Variants in CALN1 observed in about 807,000 individuals in gnomAD.
CALN1 encodes the protein calcium-binding protein 8.
In CALN1, 17 loss-of-function variants were observed where a neutral mutation model predicts 30.6. The ratio of observed to expected loss-of-function variants is 0.56; its 90% CI spans 0.38 to 0.83. CALN1 has a LOEUF of 0.83. Ranked by LOEUF, CALN1 falls within the 40% of genes least tolerant of loss-of-function variation. The probability of loss-of-function intolerance (pLI) is 0.00; values close to 1 mark genes in which losing one functional copy is unlikely to be tolerated. For synonymous variants in CALN1, 156 were observed against 131.4 expected, an observed-to-expected ratio of 1.19 and a Z score of -1.28; for missense variants, 291 against 354.9, an observed-to-expected ratio of 0.82 and a Z score of 1.45.
intron 5 of CALN1, among the ~76,000 whole-genome samples, chr7:71,937,048 G>A (rs1016769518): frequency 2.0e-5 from 3 of 152,160 alleles, no homozygotes; most frequent in East Asian, 1.9e-4. Context: ...AGGTATGTCT[G>A]TATCCACAGC....
At chr7:71,906,996 CA>C (rs1794172621) in intron 5 of CALN1, among the ~76,000 whole-genome samples, 1 of 152,130 alleles carries the variant, frequency 6.6e-6, no homozygotes, top group South Asian at 2.1e-4. Flanking sequence ...GTGACAGAGG[CA>C]GGGGGCAGGG....
chr7:72,015,806 G>C lies in CALN1; in HGVS notation c.501+7851C>G, dbSNP rs1456648947. Among the ~76,000 whole-genome samples, 4 of 152,162 alleles carry C rather than the reference G, an allele frequency of 2.6e-5. 1 individual carries two copies. Among genetic ancestry groups the C allele is most frequent in the Admixed American group, 2.6e-4 (4 of 15,260 alleles). ...GCTGCTGGTCCAGGAACCACACTTT[G>C]AGAACCACTGTTAACATGAATGCTT... On this transcript the variant is annotated intron_variant, in intron 5 of 6. Transcript: ENST00000395275.
At chr7:72,368,839 GA>G (rs1258242138) in intron 2 of CALN1, among the ~76,000 whole-genome samples, 4 of 112,254 alleles carry the variant, frequency 3.6e-5, no homozygotes, top group Non-Finnish European at 6.8e-5. Flanking sequence ...TTTTGAGACA[GA>G]ATCTCACACT....
At chr7:71,931,558 C>T (rs752604567) in intron 5 of CALN1, among the ~76,000 whole-genome samples, 3 of 152,206 alleles carry the variant, frequency 2.0e-5, no homozygotes, top group Non-Finnish European at 4.4e-5. Flanking sequence ...TGCGCCACCG[C>T]GCCCAGCTGA....
chr7:71,850,872 T>C lies in CALN1; in HGVS notation c.502-40380A>G, dbSNP rs1416814359. Among the ~76,000 whole-genome samples the C allele has an allele frequency of 4.1e-5, 4 of 98,356 alleles. No individual in the cohort carries two copies. The East Asian group carries it at 3.0e-3, about 74-fold the overall frequency. 64.5% of individuals were successfully genotyped at this position (98,356 alleles called of 152,430 possible). On this transcript the variant is annotated intron_variant, in intron 5 of 6. Coordinates refer to ENST00000395275, the MANE Select transcript of CALN1 (RefSeq NM_031468.4). ...ACACATAGTGAGTACTCAATACATA[T>C]TTGAAATGAATGAAAAAACAGAATA...
chr7:71,800,934 T>A (rs914340431), intron 6 of CALN1, among the ~76,000 whole-genome samples: 1 of 152,188 alleles, frequency 6.6e-6, no homozygotes, highest in East Asian at 1.9e-4. Context: ...CAGCCCCGCA[T>A]GCATTAGCTA....
chr7:72,490,078 G>A, the CALN1 span, among the ~76,000 whole-genome samples: 1 of 152,180 alleles, frequency 6.6e-6, no homozygotes, highest in African/African-American at 2.4e-5. Context: ...TAAGGCTAAA[G>A]AAATAAGTGG....
intron 5 of CALN1, among the ~76,000 whole-genome samples, chr7:71,865,536 C>G (rs967833631): frequency 6.6e-6 from 1 of 152,220 alleles, no homozygotes; most frequent in African/African-American, 2.4e-5. Flanking sequence ...CAGACTAATA[C>G]AGTTCTCAAA....
At chr7:71,791,736 A>G (rs943809834) in intron 6 of CALN1, among the ~76,000 whole-genome samples, 1 of 152,190 alleles carries the variant, frequency 6.6e-6, no homozygotes, top group African/African-American at 2.4e-5. Flanking sequence ...GAGGCCGGGC[A>G]CGGTGGCTCA....
At chr7:72,274,180 C>G (rs940660175) in intron 3 of CALN1, among the ~76,000 whole-genome samples, 1 of 151,974 alleles carries the variant, frequency 6.6e-6, no homozygotes, top group Non-Finnish European at 1.5e-5. Flanking sequence ...AAGAGGTAAA[C>G]TTCAGATGGA....
intron 1 of CALN1, among the ~76,000 whole-genome samples, chr7:72,435,089 G>C (rs1279608323): frequency 1.3e-5 from 2 of 152,100 alleles, no homozygotes. Context: ...AAAAAAATTA[G>C]CTGGATATGG....
chr7:71,906,341 G>A (rs1041995311), intron 5 of CALN1, among the ~76,000 whole-genome samples: 1 of 152,174 alleles, frequency 6.6e-6, no homozygotes, highest in Non-Finnish European at 1.5e-5. Context: ...CGGGCCATGA[G>A]CCAGCAGGCA....
In CALN1 at chr7:72,271,575, A is replaced by AAAAAAAAAAAAAAATATATATAT; in HGVS notation, c.244+7110_244+7111insATATATATATTTTTTTTTTTTTT. On this transcript the variant is annotated intron_variant, in intron 3 of 6. Coordinates refer to ENST00000395275, the MANE Select transcript of CALN1 (RefSeq NM_031468.4). ...CTGTGCCTGCCTTTTAAAAAAAAAA[A>AAAAAAAAAAAAAAATATATATAT]ATATATATATATATATATAGTTTTC... Among the ~76,000 whole-genome samples the AAAAAAAAAAAAAAATATATATAT allele has an allele frequency of 7.2e-3, 375 of 51,976 alleles. 6 individuals carry two copies. Among genetic ancestry groups the AAAAAAAAAAAAAAATATATATAT allele is most frequent in the Middle Eastern group, 0.012 (1 of 82 alleles). 34.1% of individuals were successfully genotyped at this position (51,976 alleles called of 152,430 possible). A position where few individuals can be genotyped will look rare whatever the true frequency, so the allele number is the denominator to read the frequency against.
intron 6 of CALN1, among the ~76,000 whole-genome samples, chr7:71,798,251 T>C (rs1787082397): frequency 6.6e-6 from 1 of 152,036 alleles, no homozygotes. Context: ...GAGCCAGTGC[T>C]TTTTTGGTTT....
rs369483969 is a variant in CALN1 at position 71,883,247 on chromosome 7, T to C, written c.502-72755A>G. ...AGAGTTTGTGGCACAAAATAAGTAC[T>C]CAGAAGTATTTGGTGCTGTATGAAT... On this transcript the variant is annotated intron_variant, in intron 5 of 6. Transcript: ENST00000395275. 3.2e-4 allele frequency among the ~76,000 whole-genome samples: 49 copies of C among 152,240 alleles called. No homozygotes were observed. In the East Asian group the frequency reaches 4.8e-3, roughly 15 times the overall value.
chr7:71,868,709 G>A (rs1791742130), intron 5 of CALN1, among the ~76,000 whole-genome samples: 1 of 151,996 alleles, frequency 6.6e-6, no homozygotes, highest in South Asian at 2.1e-4. Flanking sequence ...CATTCATGAA[G>A]GGCCACCCCC....
chr7:71,842,313 C>T (rs1026407489), intron 5 of CALN1, among the ~76,000 whole-genome samples: 2 of 152,188 alleles, frequency 1.3e-5, no homozygotes, highest in Non-Finnish European at 2.9e-5. Flanking sequence ...AAGTGAGGAC[C>T]CTGCTTTGTC....
chr7:72,049,696 T>C (rs1802709941), intron 4 of CALN1, among the ~76,000 whole-genome samples: 1 of 151,940 alleles, frequency 6.6e-6, no homozygotes, highest in African/African-American at 2.4e-5. Flanking sequence ...TTAGTAGGGA[T>C]GGGGTTTCAC....
At chr7:72,058,953 G>A (rs1013684904) in intron 4 of CALN1, among the ~76,000 whole-genome samples, 4 of 152,086 alleles carry the variant, frequency 2.6e-5, no homozygotes, top group Non-Finnish European at 5.9e-5. Context: ...ACATGTTTCC[G>A]TTTCGTTGAA....
Sources: allele counts gnomAD v4.1 joint callset (sites outside exome capture counted in the v4.1 genomes callset), GRCh38; gene constraint gnomAD v4.1.1; transcripts MANE v1.5; gene names NCBI Gene and HGNC (gene_info 2026-07-23, HGNC 2026-07-21).